Variants in PDE2A observed in about 807,000 individuals in gnomAD.
PDE2A encodes cGMP-dependent 3',5'-cyclic phosphodiesterase.
A neutral mutation model predicts 133.6 loss-of-function variants in PDE2A; 53 were observed. The ratio of observed to expected loss-of-function variants is 0.40; its 90% CI spans 0.32 to 0.50. The LOEUF (loss-of-function observed/expected upper bound fraction) is 0.50, where lower values mean the gene tolerates loss of function less well. Ranked by LOEUF, PDE2A falls within the 20% of genes least tolerant of loss-of-function variation. PDE2A has a pLI of 0.73. For synonymous variants in PDE2A, 491 were observed against 490.2 expected, an observed-to-expected ratio of 1.00 and a Z score of -0.02; for missense variants, 796 against 1,232.4, an observed-to-expected ratio of 0.65 and a Z score of 5.30.
chr11:72,576,745 C>T lies in PDE2A; in HGVS notation c.*639G>A, dbSNP rs1281100006. The T allele has an allele frequency of 5.9e-6, 1 of 169,374 alleles. No individual in the cohort carries two copies. The highest frequency in any genetic ancestry group is 2.4e-5 in the African/African-American group (1 of 41,544). 10.5% of individuals were successfully genotyped at this position (169,374 alleles called of 1,614,324 possible). A position where few individuals can be genotyped will look rare whatever the true frequency, so the allele number is the denominator to read the frequency against. On this transcript the variant is annotated 3_prime_UTR_variant, in exon 31 of 31. Coordinates refer to ENST00000334456, the MANE Select transcript of PDE2A (RefSeq NM_002599.5). ...TCTCCCAGTGCGGGGATCCCTCCTGCCCATCAATCCCATCCTGCTTCTCCC... is the reference window on the plus strand; with the variant it reads ...TCTCCCAGTGCGGGGATCCCTCCTGTCCATCAATCCCATCCTGCTTCTCCC...
chr11:72,615,279 G>A, intron 2 of PDE2A: 1 of 274,648 alleles, frequency 3.6e-6, no homozygotes, highest in Admixed American at 3.3e-5. Context: ...TCCAGCTCCT[G>A]CCTCCTCCAA....
rs572335185 is a variant in PDE2A, at chr11:72,668,475, C to G, written c.71+5662G>C. On this transcript the variant is annotated intron_variant, in intron 1 of 30. Transcript: ENST00000334456. ...TAATTATGGCTTAATACTTCTATCC[C>G]TGCTCCTACCTGCACCCCCCAACAC... The G allele has an allele frequency of 6.5e-5, 46 of 704,716 alleles. No individual in the cohort carries two copies. In the African/African-American group the frequency reaches 7.3e-4, roughly 11 times the overall value. The allele number at this position is 704,716 out of a possible 1,614,324, so 43.7% of individuals were successfully genotyped here. A position where few individuals can be genotyped will look rare whatever the true frequency, so the allele number is the denominator to read the frequency against.
At chr11:72,603,572 G>A (rs1856847909) in intron 4 of PDE2A, among the ~76,000 whole-genome samples, 1 of 152,216 alleles carries the variant, frequency 6.6e-6, no homozygotes, top group South Asian at 2.1e-4. Flanking sequence ...TGGAGGAGTG[G>A]AGCTTATATG....
chr11:72,671,410 CT>C (rs1226432803), intron 1 of PDE2A, among the ~76,000 whole-genome samples: 4 of 152,200 alleles, frequency 2.6e-5, no homozygotes, highest in African/African-American at 9.6e-5. Flanking sequence ...CAGGCCTGGC[CT>C]GACAGCAGCA....
rs936271921 is a variant in PDE2A at position 72,612,232 on chromosome 11, T to C, written c.145-3481A>G. Among the ~76,000 whole-genome samples, 3 of 151,488 alleles carry C rather than the reference T, an allele frequency of 2.0e-5. No homozygotes were observed. In the South Asian group the frequency reaches 6.3e-4, roughly 32 times the overall value. ...AGACAGATCAAAAGGCAATCATATA[T>C]TCAATGCATATACAAGGTTGCACTT... On this transcript the variant is annotated intron_variant, in intron 2 of 30. Transcript: ENST00000334456.
At chr11:72,605,316 C>A (rs796129320) in intron 3 of PDE2A, 90 bp from the exon 4 acceptor site, 11 of 596,564 alleles carry the variant, frequency 1.8e-5, no homozygotes, top group African/African-American at 1.7e-4. Context: ...GGGGCAAGGT[C>A]ATGGAACCTG....
chr11:72,642,404 C>G, intron 1 of PDE2A, 78 bp from the exon 2 acceptor site: 1 of 1,283,144 alleles, frequency 7.8e-7, no homozygotes, highest in Non-Finnish European at 1.0e-6. Context: ...CGCCCGCCGG[C>G]CCGGCCGCTG....
chr11:72,613,074 C>T (rs1011816856), intron 2 of PDE2A, among the ~76,000 whole-genome samples: 2 of 152,184 alleles, frequency 1.3e-5, no homozygotes, highest in African/African-American at 4.8e-5. Flanking sequence ...GACCAACGCC[C>T]TTCCTGAGGG....
intron 1 of PDE2A, among the ~76,000 whole-genome samples, chr11:72,656,139 G>A (rs924678036): frequency 5.3e-5 from 8 of 152,176 alleles, no homozygotes; most frequent in Non-Finnish European, 1.0e-4. Context: ...AGTGGGGTGC[G>A]AGAGGCGAGG....
At chr11:72,589,046 T>C in intron 12 of PDE2A, 129 bp downstream of exon 12, 1 of 1,236,024 alleles carries the variant, frequency 8.1e-7, no homozygotes, top group Non-Finnish European at 1.2e-6. Flanking sequence ...GTCATGGAGA[T>C]GGGACAGTAG....
intron 14 of PDE2A, 79 bp from the exon 15 acceptor site, chr11:72,585,672 C>T (rs1488798515): frequency 7.9e-7 from 1 of 1,263,712 alleles, no homozygotes; most frequent in African/African-American, 1.5e-5. Context: ...TCCAACAGCA[C>T]CCGGGTCTTC....
At chr11:72,600,743 G>C (rs1245181010) in intron 4 of PDE2A, among the ~76,000 whole-genome samples, 1 of 152,064 alleles carries the variant, frequency 6.6e-6, no homozygotes, top group East Asian at 1.9e-4. Flanking sequence ...GCTGGGGGTT[G>C]TGGGGAACTC....
chr11:72,583,653 A>G, intron 19 of PDE2A, 138 bp from the exon 20 acceptor site: 1 of 669,606 alleles, frequency 1.5e-6, no homozygotes, highest in Non-Finnish European at 2.7e-6. Flanking sequence ...TTCAAGCTCC[A>G]GTCCACAGTA....
intron 2 of PDE2A, chr11:72,630,968 T>C: frequency 2.4e-6 from 2 of 843,410 alleles, no homozygotes; most frequent in Middle Eastern, 2.5e-4. Flanking sequence ...GGCTGGGATG[T>C]GACTCCAGCC....
intron 13 of PDE2A, among the ~76,000 whole-genome samples, chr11:72,587,200 A>G (rs1325982311): frequency 2.0e-5 from 3 of 152,130 alleles, no homozygotes; most frequent in Admixed American, 6.5e-5. Context: ...TATATCACCC[A>G]TGCCCAGTGC....
At chr11:72,602,739 C>T (rs1236608785) in intron 4 of PDE2A, among the ~76,000 whole-genome samples, 1 of 152,194 alleles carries the variant, frequency 6.6e-6, no homozygotes, top group Non-Finnish European at 1.5e-5. Flanking sequence ...CCCCTGTTAC[C>T]CCATTAAGCC....
chr11:72,642,186 G>T, intron 2 of PDE2A, 68 bp downstream of exon 2: 2 of 1,374,384 alleles, frequency 1.5e-6, no homozygotes, highest in Non-Finnish European at 9.4e-7. Context: ...GTTCGGGGGC[G>T]GGCAGACCCG....
chr11:72,619,356 G>C (rs1337522159), intron 2 of PDE2A, among the ~76,000 whole-genome samples: 1 of 152,206 alleles, frequency 6.6e-6, no homozygotes, highest in Non-Finnish European at 1.5e-5. Flanking sequence ...AAGCATGTGT[G>C]CAGCCTGCCC....
chr11:72,609,228 G>GC (rs1272644346), intron 2 of PDE2A, among the ~76,000 whole-genome samples: 1 of 152,212 alleles, frequency 6.6e-6, no homozygotes, highest in Non-Finnish European at 1.5e-5. Context: ...TGGGGCTATT[G>GC]CCCCCTACAG....
Sources: allele counts gnomAD v4.1 joint callset (sites outside exome capture counted in the v4.1 genomes callset), GRCh38; gene constraint gnomAD v4.1.1; transcripts MANE v1.5; gene names NCBI Gene and HGNC (gene_info 2026-07-23, HGNC 2026-07-21).